Variants in ITGB1 observed in about 807,000 individuals in gnomAD.
The protein encoded by ITGB1 is integrin subunit beta 1.
A neutral mutation model predicts 86.5 loss-of-function variants in ITGB1; 24 were observed. The ratio of observed to expected loss-of-function variants is 0.28; its 90% CI spans 0.20 to 0.39. The LOEUF (loss-of-function observed/expected upper bound fraction) is 0.39. ITGB1 is among the 10% of genes least tolerant of loss of function. The probability of loss-of-function intolerance (pLI) is 1.00; values close to 1 mark genes in which losing one functional copy is unlikely to be tolerated. For missense variants in ITGB1, 556 were observed against 946.9 expected (o/e 0.59, Z 5.42); for synonymous variants, 323 against 316.8 (o/e 1.02, Z -0.21).
intron 13 of ITGB1, 141 bp downstream of exon 13, chr10:32,911,307 T>A (rs1170565177): frequency 2.9e-6 from 2 of 681,328 alleles, no homozygotes; most frequent in East Asian, 5.4e-5. Context: ...CTTTTAAGAA[T>A]TAAAGAGTAG....
At chr10:32,911,814 CAACTA>C in intron 12 of ITGB1, 67 bp downstream of exon 12, 1 of 1,446,152 alleles carries the variant, frequency 6.9e-7, no homozygotes, top group East Asian at 2.3e-5. Context: ...ACTTATGCAC[CAACTA>C]AACTCAAGAT....
chr10:32,953,261 A>C (rs77248291), intron 1 of ITGB1, among the ~76,000 whole-genome samples: 1,845 of 152,346 alleles, frequency 0.012, 30 homozygotes, highest in African/African-American at 0.041. Context: ...GGTACAGTAC[A>C]TTGTATAAAA....
chr10:32,902,585 AACT>A (rs1483479650), intron 15 of ITGB1, among the ~76,000 whole-genome samples: 2 of 152,368 alleles, frequency 1.3e-5, no homozygotes, highest in African/African-American at 2.4e-5. Flanking sequence ...AATACTTGTT[AACT>A]ACCAGGGAAA....
chr10:32,910,308 C>A lies in ITGB1; in HGVS notation c.2079G>T (p.Glu693Asp). The change falls in exon 14 of 16, where the codon GAG becomes GAT. Residue 693 changes from glutamate (E) to aspartate (D), a missense_variant. Transcript: ENST00000302278. ...VQPDPVSHCK[E>D]KDVDDCWFYF... ...AGAACCAACAGTCGTCAACATCCTT[C>A]TCCTTACAATGGGACACAGGATCAG... The A allele has an allele frequency of 6.2e-7, 1 of 1,605,724 alleles. No homozygotes were observed. The highest frequency in any genetic ancestry group is 8.5e-7 in the Non-Finnish European group (1 of 1,173,192).
chr10:32,947,141 C>T (rs1195761021), intron 1 of ITGB1, among the ~76,000 whole-genome samples: 1 of 152,100 alleles, frequency 6.6e-6, no homozygotes, highest in African/African-American at 2.4e-5. Context: ...CCATACCTGG[C>T]CTACTTCATT....
chr10:32,904,057 C>G (rs759175288), intron 15 of ITGB1, among the ~76,000 whole-genome samples: 3 of 150,530 alleles, frequency 2.0e-5, no homozygotes, highest in Non-Finnish European at 4.4e-5. Flanking sequence ...ATAGATGAGT[C>G]CAAAGTGTAA....
rs545162329 is a variant in ITGB1 at position 32,926,254 on chromosome 10, T to C, written c.548-145A>G. On this transcript the variant is annotated intron_variant, in intron 5 of 15. Transcript: ENST00000302278. ...TCTGTGTTACCCCAAAATTCCTACA[T>C]TGAAAACCTAATTCCCAACATGATG... 41 of 646,020 alleles carry C rather than the reference T, an allele frequency of 6.3e-5. 2 individuals carry two copies. In the South Asian group the frequency reaches 7.8e-4, roughly 12 times the overall value. The allele number at this position is 646,020 out of a possible 1,614,324, so 40.0% of individuals were successfully genotyped here.
chr10:32,901,983 C>T (rs2094883103), intron 15 of ITGB1, among the ~76,000 whole-genome samples: 1 of 152,188 alleles, frequency 6.6e-6, no homozygotes, highest in Non-Finnish European at 1.5e-5. Flanking sequence ...CTTAATGAAG[C>T]ATGAACTCCG....
chr10:32,910,129 C>T (rs1002378615), intron 14 of ITGB1, 94 bp downstream of exon 14: 26 of 863,622 alleles, frequency 3.0e-5, no homozygotes, highest in Non-Finnish European at 4.5e-5. Flanking sequence ...CTAAAATATT[C>T]CAGCTGGAGG....
At chr10:32,907,981 C>T (rs1231457016) in intron 15 of ITGB1, among the ~76,000 whole-genome samples, 1 of 152,104 alleles carries the variant, frequency 6.6e-6, no homozygotes, top group East Asian at 1.9e-4. Flanking sequence ...TTGAATCTGG[C>T]TTTCACTGAA....
intron 15 of ITGB1, among the ~76,000 whole-genome samples, chr10:32,902,110 G>A (rs529977597): frequency 1.3e-5 from 2 of 152,258 alleles, no homozygotes; most frequent in East Asian, 1.9e-4. Context: ...GGTCTCCTAC[G>A]GAAGTTACTA....
intron 1 of ITGB1, among the ~76,000 whole-genome samples, chr10:32,952,833 T>C (rs897141787): frequency 6.6e-6 from 1 of 152,162 alleles, no homozygotes; most frequent in African/African-American, 2.4e-5. Context: ...CAAAACAGCT[T>C]TGATAGTGCC....
chr10:32,950,745 A>G (rs2137266210), intron 1 of ITGB1, among the ~76,000 whole-genome samples: 1 of 152,306 alleles, frequency 6.6e-6, no homozygotes, highest in East Asian at 1.9e-4. Context: ...CCCTTCTCAC[A>G]CAATGATAAT....
At position 32,921,163 on chromosome 10, in the gene ITGB1, CA is replaced by C. The variant is rs5784312; in HGVS notation, c.1129-779del. The stretch of plus-strand genomic sequence containing the variant: ...GCTTAAGGAACCATTGTAGCCCAGC[CA>C]AAAAAAAAAAAAAACAAAATCCCCC... On this transcript the variant is annotated intron_variant, in intron 9 of 15. Coordinates refer to ENST00000302278, the MANE Select transcript of ITGB1 (RefSeq NM_002211.4). Among the ~76,000 whole-genome samples the C allele has an allele frequency of 4.9e-4, 60 of 121,800 alleles. 1 individual carries two copies. The highest frequency in any genetic ancestry group is 5.1e-4 in the Admixed American group (6 of 11,756). 79.9% of individuals were successfully genotyped at this position (121,800 alleles called of 152,430 possible).
At position 32,946,760 on chromosome 10, in the gene ITGB1, G is replaced by C. The variant is rs931628854; in HGVS notation, c.1-11202C>G. Among the ~76,000 whole-genome samples, 29 of 94,834 alleles carry C rather than the reference G, an allele frequency of 3.1e-4. 1 individual carries two copies. In the South Asian group the frequency reaches 8.5e-3, roughly 28 times the overall value. 62.2% of individuals were successfully genotyped at this position (94,834 alleles called of 152,430 possible). A position where few individuals can be genotyped will look rare whatever the true frequency, so the allele number is the denominator to read the frequency against. ...TTTGTATGTATTTCTGGGGGGGGGG[G>C]GGGGATTATTTTCCTTTTCTGCAGG... On this transcript the variant is annotated intron_variant, in intron 1 of 15. Coordinates refer to ENST00000302278, the MANE Select transcript of ITGB1 (RefSeq NM_002211.4).
intron 15 of ITGB1, among the ~76,000 whole-genome samples, chr10:32,903,337 G>A (rs2094887017): frequency 9.7e-6 from 1 of 102,734 alleles, no homozygotes; most frequent in Non-Finnish European, 1.8e-5. Context: ...GGGCGAAAGA[G>A]CAAGACTCCA....
At chr10:32,944,641 C>G (rs2095027062) in intron 1 of ITGB1, 7 of 618,868 alleles carry the variant, frequency 1.1e-5, no homozygotes, top group South Asian at 8.8e-5. Context: ...CTTAGTATAG[C>G]TAGCTGTTGG....
rs192292098 is a variant in ITGB1 at position 32,900,361 on chromosome 10, C to A, written c.*1209G>T. The stretch of plus-strand genomic sequence containing the variant: ...TTAATCTATAAAAATTTCATGCACA[C>A]AACCTGATAAAATACATCAGAGTCA... On this transcript the variant is annotated 3_prime_UTR_variant, in exon 16 of 16. Transcript: ENST00000302278. The A allele has an allele frequency of 6.5e-6, 1 of 152,692 alleles. No homozygotes were observed. The highest frequency in any genetic ancestry group is 1.9e-4 in the East Asian group (1 of 5,188). 9.5% of individuals were successfully genotyped at this position (152,692 alleles called of 1,614,324 possible).
chr10:32,907,150 TA>T, intron 15 of ITGB1: 3 of 1,197,392 alleles, frequency 2.5e-6, no homozygotes, highest in Non-Finnish European at 3.4e-6. Context: ...CTTGCTAAAG[TA>T]AAAGAAATAG....
Sources: gnomAD v4.1 joint callset for allele counts (sites outside exome capture counted in the v4.1 genomes callset) on GRCh38, gnomAD v4.1.1 for gene constraint, MANE v1.5 for transcripts, NCBI Gene and HGNC (gene_info 2026-07-23, HGNC 2026-07-21) for gene names.